Variants in SRPK2 observed in about 807,000 individuals in gnomAD.
SRPK2 encodes SFRS protein kinase 2.
A neutral mutation model predicts 90.8 loss-of-function variants in SRPK2; 21 were observed. The observed-to-expected ratio is 0.23, with a 90% CI of 0.16 to 0.33. The LOEUF (loss-of-function observed/expected upper bound fraction) is 0.33, where lower values mean the gene tolerates loss of function less well. Among genes scored for constraint, SRPK2 ranks in the 10% least tolerant of loss-of-function variants. SRPK2 has a pLI of 1.00. For missense variants in SRPK2, 620 were observed against 869.0 expected (o/e 0.71, Z 3.60); for synonymous variants, 288 against 311.1 (o/e 0.93, Z 0.78).
chr7:105,206,151 CCCACCCCACCA>C (rs1432315896), intron 2 of SRPK2, among the ~76,000 whole-genome samples: 1 of 152,128 alleles, frequency 6.6e-6, no homozygotes, highest in Non-Finnish European at 1.5e-5. Context: ...GCCCCCCACC[CCCACCCCACCA>C]CCCAGCTGTG....
intron 2 of SRPK2, among the ~76,000 whole-genome samples, chr7:105,230,911 T>C (rs1163500795): frequency 1.3e-5 from 2 of 152,234 alleles, no homozygotes; most frequent in African/African-American, 2.4e-5. Flanking sequence ...ATAAATGCAA[T>C]ATTCTTGAAT....
intron 2 of SRPK2, among the ~76,000 whole-genome samples, chr7:105,374,843 G>A (rs184778669): frequency 3.2e-4 from 49 of 152,140 alleles, no homozygotes; most frequent in Non-Finnish European, 5.4e-4. Flanking sequence ...TCCTGACCTC[G>A]TGATCCACCC....
intron 2 of SRPK2, among the ~76,000 whole-genome samples, chr7:105,296,257 A>T (rs974298962): frequency 6.6e-6 from 1 of 152,242 alleles, no homozygotes; most frequent in African/African-American, 2.4e-5. Context: ...TTACAAAAGT[A>T]ATATCATACA....
intron 2 of SRPK2, among the ~76,000 whole-genome samples, chr7:105,329,377 A>G (rs2131660693): frequency 6.6e-6 from 1 of 152,296 alleles, no homozygotes; most frequent in Non-Finnish European, 1.5e-5. Flanking sequence ...ACTGAGACAG[A>G]CCTAGTTAAG....
At chr7:105,238,557 C>T (rs1021496942) in intron 2 of SRPK2, among the ~76,000 whole-genome samples, 1 of 152,174 alleles carries the variant, frequency 6.6e-6, no homozygotes, top group African/African-American at 2.4e-5. Context: ...CAAGGCTGAT[C>T]CAGTGGTTTG....
chr7:105,267,522 G>C (rs529583491), intron 2 of SRPK2, among the ~76,000 whole-genome samples: 2 of 152,094 alleles, frequency 1.3e-5, no homozygotes, highest in Non-Finnish European at 2.9e-5. Context: ...CAGATGGCTA[G>C]CCACAAACCA....
At chr7:105,184,653 T>C (rs981460140) in intron 3 of SRPK2, among the ~76,000 whole-genome samples, 1 of 152,220 alleles carries the variant, frequency 6.6e-6, no homozygotes. Context: ...CTTAAATGTA[T>C]ATAACAGTTT....
intron 2 of SRPK2, among the ~76,000 whole-genome samples, chr7:105,273,231 A>G (rs962010513): frequency 4.0e-5 from 6 of 151,640 alleles, no homozygotes; most frequent in Admixed American, 6.6e-5. Context: ...AAAAAAGAAA[A>G]AAGAATTATC....
At position 105,162,831 on chromosome 7, in the gene SRPK2, A is replaced by T. The variant is rs191272041; in HGVS notation, c.515-2218T>A. Among the ~76,000 whole-genome samples the T allele has an allele frequency of 3.3e-5, 5 of 152,354 alleles. No homozygotes were observed. In the East Asian group the frequency reaches 9.6e-4, roughly 29 times the overall value. The stretch of plus-strand genomic sequence containing the variant: ...ACTTCGCATTTTGCTTAACAGTAAA[A>T]ATACCCACTAGAACGTATATTTCAA... On this transcript the variant is annotated intron_variant, in intron 6 of 15. Transcript: ENST00000393651.
At chr7:105,120,444 G>A (rs931417567) in intron 15 of SRPK2, among the ~76,000 whole-genome samples, 2 of 152,134 alleles carry the variant, frequency 1.3e-5, no homozygotes, top group African/African-American at 4.8e-5. Flanking sequence ...ATAGTGAAAG[G>A]CCATGAGAAA....
chr7:105,196,707 AAATATCAATTCTAAAGCAGCTTTAAG>A (rs1316296328), intron 3 of SRPK2, among the ~76,000 whole-genome samples: 9 of 152,196 alleles, frequency 5.9e-5, no homozygotes, highest in Non-Finnish European at 1.5e-5. Flanking sequence ...TTTACTGTAC[AAATATCAATTCTAAAGCAGCTTTAAG>A]GTTCTTTGCT....
intron 2 of SRPK2, among the ~76,000 whole-genome samples, chr7:105,214,121 T>C (rs1488701670): frequency 6.6e-6 from 1 of 152,202 alleles, no homozygotes; most frequent in African/African-American, 2.4e-5. Flanking sequence ...CTGGTGGCTA[T>C]GGCACAGTAT....
At chr7:105,179,110 AC>A (rs895006180) in intron 3 of SRPK2, among the ~76,000 whole-genome samples, 25 of 152,338 alleles carry the variant, frequency 1.6e-4, no homozygotes, top group African/African-American at 3.6e-4. Flanking sequence ...TGATTGAGCA[AC>A]CCTGAATACC....
chr7:105,284,236 T>C (rs1188710866), intron 2 of SRPK2, among the ~76,000 whole-genome samples: 2 of 152,154 alleles, frequency 1.3e-5, no homozygotes, highest in African/African-American at 4.8e-5. Context: ...TCAAGGTCAT[T>C]TGGGCTTGGT....
chr7:105,191,732 C>T lies in SRPK2; in HGVS notation c.229+11896G>A, dbSNP rs183613992. Among the ~76,000 whole-genome samples, 198 of 152,120 alleles carry T rather than the reference C, an allele frequency of 1.3e-3. 2 individuals are homozygous for T. The highest frequency in any genetic ancestry group is 4.6e-3 in the African/African-American group (189 of 41,496). ...AATAATAAAGACGGTACCTCCATAA[C>T]ATTGTTTGCTTTTGTCTTCTCCTTG... On this transcript the variant is annotated intron_variant, in intron 3 of 15. Transcript: ENST00000393651.
chr7:105,381,608 T>A (rs892909157), intron 2 of SRPK2, among the ~76,000 whole-genome samples: 1 of 152,232 alleles, frequency 6.6e-6, no homozygotes, highest in African/African-American at 2.4e-5. Flanking sequence ...TCTTCTAGCA[T>A]CCAACACACA....
rs1351661210 is a variant in SRPK2, at chr7:105,117,698, A to T, written c.*140T>A. 2.2e-6 allele frequency: 2 copies of T among 916,266 alleles called. No individual in the cohort carries two copies. The highest frequency in any genetic ancestry group is 1.6e-6 in the Non-Finnish European group (1 of 614,012). 56.8% of individuals were successfully genotyped at this position (916,266 alleles called of 1,614,324 possible). ...CAGTGCACAAAAAGCAAAATGTCAA[A>T]CAACAGTACCTCAAAGCAAAATAAA... On this transcript the variant is annotated 3_prime_UTR_variant, in exon 16 of 16. Transcript: ENST00000393651.
chr7:105,272,306 A>G (rs1208573198), intron 2 of SRPK2, among the ~76,000 whole-genome samples: 1 of 152,208 alleles, frequency 6.6e-6, no homozygotes, highest in Non-Finnish European at 1.5e-5. Context: ...AGCTCCTTCT[A>G]CATCTCAGCC....
intron 2 of SRPK2, among the ~76,000 whole-genome samples, chr7:105,294,655 A>G (rs113203049): frequency 0.019 from 2,935 of 152,148 alleles, 99 homozygotes; most frequent in African/African-American, 0.065. Context: ...CTTCTCAAGC[A>G]GCTGGGATTA....
Sources: gnomAD v4.1 joint callset for allele counts (sites outside exome capture counted in the v4.1 genomes callset) on GRCh38, gnomAD v4.1.1 for gene constraint, MANE v1.5 for transcripts, NCBI Gene and HGNC (gene_info 2026-07-23, HGNC 2026-07-21) for gene names.